FAM13C: variants seen among roughly 807,000 people sequenced by gnomAD.
FAM13C encodes protein FAM13C.
A neutral mutation model predicts 73.2 loss-of-function variants in FAM13C; 37 were observed. The ratio of observed to expected loss-of-function variants is 0.51; its 90% CI spans 0.39 to 0.67. The LOEUF (loss-of-function observed/expected upper bound fraction) is 0.67. Among genes scored for constraint, FAM13C ranks in the 30% least tolerant of loss-of-function variants. The pLI, the probability that FAM13C is intolerant of heterozygous loss-of-function variation, is 0.00. For missense variants in FAM13C, 589 were observed against 715.6 expected (o/e 0.82, Z 2.02); for synonymous variants, 246 against 260.9 (o/e 0.94, Z 0.55).
At chr10:59,249,127 G>A (rs751099310) in intron 13 of FAM13C, among the ~76,000 whole-genome samples, 4 of 152,024 alleles carry the variant, frequency 2.6e-5, no homozygotes, top group East Asian at 3.9e-4. Flanking sequence ...CTTTGAGGCC[G>A]GGCACAGTGG....
chr10:59,254,817 T>C (rs142917562), intron 10 of FAM13C, among the ~76,000 whole-genome samples: 1,856 of 151,910 alleles, frequency 0.012, 12 homozygotes, highest in African/African-American at 0.023. Context: ...GTTGGCCAGG[T>C]TGGTTTCAAA....
chr10:59,351,970 T>A (rs962161242), intron 3 of FAM13C, among the ~76,000 whole-genome samples: 5 of 151,946 alleles, frequency 3.3e-5, no homozygotes, highest in Admixed American at 6.6e-5. Flanking sequence ...TGCTCCAGCC[T>A]GGGGGATAGA....
At chr10:59,320,003 G>A (rs1850011440) in intron 4 of FAM13C, among the ~76,000 whole-genome samples, 1 of 152,172 alleles carries the variant, frequency 6.6e-6, no homozygotes, top group South Asian at 2.1e-4. Flanking sequence ...GAGCTACAGA[G>A]TCCCCAGGAG....
At chr10:59,350,649 C>A (rs1282075730) in intron 3 of FAM13C, among the ~76,000 whole-genome samples, 2 of 152,182 alleles carry the variant, frequency 1.3e-5, no homozygotes, top group African/African-American at 4.8e-5. Flanking sequence ...TTCATTAATG[C>A]AGAGGGCATT....
At chr10:59,311,148 C>T (rs1341140180) in intron 4 of FAM13C, among the ~76,000 whole-genome samples, 1 of 152,174 alleles carries the variant, frequency 6.6e-6, no homozygotes, top group Non-Finnish European at 1.5e-5. Flanking sequence ...AAAGGTACCA[C>T]TTCTCACTTT....
At chr10:59,261,154 G>T (rs1487292372) in intron 10 of FAM13C, among the ~76,000 whole-genome samples, 1 of 152,132 alleles carries the variant, frequency 6.6e-6, no homozygotes, top group Non-Finnish European at 1.5e-5. Context: ...AAGAGTTTCT[G>T]TATATATATG....
chr10:59,357,056 G>A (rs1855802277), intron 1 of FAM13C, among the ~76,000 whole-genome samples: 1 of 152,156 alleles, frequency 6.6e-6, no homozygotes, highest in Non-Finnish European at 1.5e-5. Context: ...CAGACTGAAG[G>A]CTGCACTGTT....
chr10:59,346,455 A>C (rs1298558997), intron 3 of FAM13C, among the ~76,000 whole-genome samples: 2 of 152,224 alleles, frequency 1.3e-5, no homozygotes, highest in Non-Finnish European at 2.9e-5. Context: ...TGATGCTGAT[A>C]TACACCAGAC....
chr10:59,307,388 T>C (rs148380107), intron 4 of FAM13C, among the ~76,000 whole-genome samples: 34 of 152,300 alleles, frequency 2.2e-4, no homozygotes, highest in Admixed American at 1.2e-3. Context: ...GAGAAAGCAC[T>C]AGACCCAAGA....
At chr10:59,252,369 G>C (rs1427989306) in intron 12 of FAM13C, among the ~76,000 whole-genome samples, 2 of 151,952 alleles carry the variant, frequency 1.3e-5, no homozygotes, top group Non-Finnish European at 2.9e-5. Context: ...AACTGCTTTA[G>C]AACCACCACC....
At chr10:59,325,746 C>G (rs553824063) in intron 3 of FAM13C, among the ~76,000 whole-genome samples, 3 of 152,106 alleles carry the variant, frequency 2.0e-5, no homozygotes, top group Admixed American at 6.6e-5. Flanking sequence ...ATATGAACTA[C>G]TACTGATAAC....
chr10:59,320,332 T>C (rs981632693), intron 4 of FAM13C, among the ~76,000 whole-genome samples: 10 of 152,124 alleles, frequency 6.6e-5, no homozygotes, highest in African/African-American at 2.4e-4. Flanking sequence ...ATTTGAGGCC[T>C]CTAATGTGTG....
chr10:59,326,865 T>C (rs1490597999), intron 3 of FAM13C, among the ~76,000 whole-genome samples: 1 of 152,186 alleles, frequency 6.6e-6, no homozygotes, highest in African/African-American at 2.4e-5. Flanking sequence ...AAAGATAATA[T>C]ATGATTATTG....
chr10:59,285,866 G>T (rs1296996740), intron 5 of FAM13C, among the ~76,000 whole-genome samples: 2 of 152,192 alleles, frequency 1.3e-5, no homozygotes, highest in Admixed American at 1.3e-4. Flanking sequence ...AAGGAGAGAG[G>T]CTCAGGAGAA....
At chr10:59,280,781 A>T (rs184935220) in intron 6 of FAM13C, among the ~76,000 whole-genome samples, 1 of 152,340 alleles carries the variant, frequency 6.6e-6, no homozygotes, top group African/African-American at 2.4e-5. Context: ...ACAGGGGAGC[A>T]TGTCAAGTCT....
At chr10:59,285,528 A>G (rs1219157088) in intron 5 of FAM13C, among the ~76,000 whole-genome samples, 1 of 152,252 alleles carries the variant, frequency 6.6e-6, no homozygotes, top group Non-Finnish European at 1.5e-5. Context: ...TATGCAAAAC[A>G]GAATGATGGG....
At chr10:59,251,920 T>G (rs111396053) in intron 12 of FAM13C, among the ~76,000 whole-genome samples, 1 of 151,614 alleles carries the variant, frequency 6.6e-6, no homozygotes, top group Non-Finnish European at 1.5e-5. Flanking sequence ...GGCAAGGAGA[T>G]TGATTGAATC....
intron 5 of FAM13C, among the ~76,000 whole-genome samples, chr10:59,301,885 C>A (rs1847643243): frequency 6.6e-6 from 1 of 152,156 alleles, no homozygotes; most frequent in Non-Finnish European, 1.5e-5. Flanking sequence ...TTACCTTTAG[C>A]TATTTATTTC....
chr10:59,324,214 C>T (rs774578721), intron 3 of FAM13C, 108 bp from the exon 4 acceptor site: 16 of 807,756 alleles, frequency 2.0e-5, no homozygotes, highest in African/African-American at 3.5e-5. Context: ...ATGCATAACA[C>T]ATTCTGCTGA....
Sources: allele counts gnomAD v4.1 joint callset (sites outside exome capture counted in the v4.1 genomes callset), GRCh38; gene constraint gnomAD v4.1.1; transcripts MANE v1.5; gene names NCBI Gene and HGNC (gene_info 2026-07-23, HGNC 2026-07-21).